The following PHRF1 variants were observed in gnomAD, a reference collection of about 807,000 sequenced individuals.
PHRF1 encodes PHD and ring finger domains 1, also known as PHD and RING finger domain-containing protein 1.
PHRF1 carries 53 observed loss-of-function variants against 128.9 expected under a neutral mutation model. That is an observed-to-expected ratio of 0.41 (90% confidence interval 0.33 to 0.52). The LOEUF (loss-of-function observed/expected upper bound fraction) is 0.52, where lower values mean the gene tolerates loss of function less well. PHRF1 is among the 20% of genes least tolerant of loss of function. PHRF1 has a pLI of 0.21. For synonymous variants in PHRF1, 1,178 were observed against 980.6 expected (o/e 1.20, Z -3.76); for missense variants, 2,503 against 2,284.5 (o/e 1.10, Z -1.95).
At position 609,035 on chromosome 11, in the gene PHRF1, G is replaced by A; in HGVS notation, c.3579G>A (p.Glu1193=). Residue 1193 remains glutamate, a synonymous_variant, in exon 14 of 18, where the codon GAG becomes GAA. Coordinates refer to ENST00000264555, the MANE Select transcript of PHRF1 (RefSeq NM_001286581.2). ...KWPQTRSHSP[E]RKGAVREASP... Reference sequence around the variant, plus strand: ...CGCAGACCCGGTCCCATTCCCCAGAGAGGAAGGGGGCTGTGAGGGAGGCTT... The same window carrying A: ...CGCAGACCCGGTCCCATTCCCCAGAAAGGAAGGGGGCTGTGAGGGAGGCTT... 6.3e-7 allele frequency: 1 copy of A among 1,595,238 alleles called. No homozygotes were observed. The highest frequency in any genetic ancestry group is 8.5e-7 in the Non-Finnish European group (1 of 1,171,678).
At chr11:596,659 C>T (rs772436526) in intron 6 of PHRF1, among the ~76,000 whole-genome samples, 14 of 152,350 alleles carry the variant, frequency 9.2e-5, no homozygotes, top group African/African-American at 2.2e-4. Flanking sequence ...GACTTACAGA[C>T]GGCCGCCTCC....
At chr11:605,009 C>A in intron 10 of PHRF1, 110 bp from the exon 11 acceptor site, 2 of 1,127,428 alleles carry the variant, frequency 1.8e-6, no homozygotes, top group East Asian at 2.6e-5. Flanking sequence ...TAGTATTTTC[C>A]GGCTCTAGTG....
intron 3 of PHRF1, among the ~76,000 whole-genome samples, chr11:583,136 C>T (rs866812923): frequency 6.6e-6 from 1 of 151,454 alleles, no homozygotes; most frequent in Non-Finnish European, 1.5e-5. Context: ...GTCAGGAGAT[C>T]GAGACCATTG....
rs1855345220 is a variant in PHRF1, at chr11:597,300, C to G, written c.719-95C>G. 9 of 1,465,930 alleles carry G rather than the reference C, an allele frequency of 6.1e-6. No homozygotes were observed. The highest frequency in any genetic ancestry group is 2.0e-5 in the Admixed American group (1 of 49,008). 90.8% of individuals were successfully genotyped at this position (1,465,930 alleles called of 1,614,324 possible). A position where few individuals can be genotyped will look rare whatever the true frequency, so the allele number is the denominator to read the frequency against. On this transcript the variant is annotated intron_variant, in intron 7 of 17. Coordinates refer to ENST00000264555, the MANE Select transcript of PHRF1 (RefSeq NM_001286581.2). This position sits in a 1 kb window ranked among gnomAD's most constrained non-coding sequence, Gnocchi z 6.5. ...GTCCTGTGCACAGGTCAGCCCGAGC[C>G]AGGGCTGCTACTTGGCCGGCAGCCA...
intron 10 of PHRF1, among the ~76,000 whole-genome samples, chr11:602,909 T>C (rs1855723876): frequency 6.6e-6 from 1 of 151,670 alleles, no homozygotes; most frequent in South Asian, 2.1e-4. Context: ...ATTATAGGCG[T>C]GTGCCACCAC....
chr11:602,808 G>T, intron 10 of PHRF1, among the ~76,000 whole-genome samples: 1 of 147,696 alleles, frequency 6.8e-6, no homozygotes. Context: ...CTGTCCCCAC[G>T]CTGGAGTGTA....
At chr11:587,837 G>C (rs1854670404) in intron 4 of PHRF1, among the ~76,000 whole-genome samples, 1 of 152,202 alleles carries the variant, frequency 6.6e-6, no homozygotes, top group Non-Finnish European at 1.5e-5. Context: ...AGTTGATACA[G>C]AAAACACCGG....
Position 587,161 on chromosome 11 carries a change from G to T in PHRF1, c.215-98G>T. 3 of 1,181,202 alleles carry T rather than the reference G, an allele frequency of 2.5e-6. No homozygotes were observed. The South Asian group carries it at 4.1e-5, about 16-fold the overall frequency. 73.2% of individuals were successfully genotyped at this position (1,181,202 alleles called of 1,614,324 possible). A position where few individuals can be genotyped will look rare whatever the true frequency, so the allele number is the denominator to read the frequency against. On this transcript the variant is annotated intron_variant, in intron 3 of 17. Transcript: ENST00000264555. ...GCGGGGAGGTGGGCTGTGCATTGCC[G>T]ACCTGGTGTCCTGAGCGCAGCCTGG...
In PHRF1 at chr11:582,128, T is replaced by G. The variant is rs1309865162; in HGVS notation, c.214+47T>G. 4 of 1,553,190 alleles carry G rather than the reference T, an allele frequency of 2.6e-6. No individual in the cohort carries two copies. The South Asian group carries it at 4.8e-5, about 18-fold the overall frequency. On this transcript the variant is annotated intron_variant, in intron 3 of 17. Coordinates refer to ENST00000264555, the MANE Select transcript of PHRF1 (RefSeq NM_001286581.2). ...CCGGCTCCTGTGTTTCCTCTTGTCG[T>G]GATGGGGACAGCCTTTTATAACACA...
intron 6 of PHRF1, among the ~76,000 whole-genome samples, chr11:596,317 C>T (rs566520392): frequency 2.6e-5 from 4 of 152,316 alleles, no homozygotes; most frequent in South Asian, 2.1e-4. Flanking sequence ...CCAGAAGGCT[C>T]GATAGAAACA....
intron 3 of PHRF1, among the ~76,000 whole-genome samples, chr11:585,845 T>C (rs1854520179): frequency 6.6e-6 from 1 of 151,606 alleles, no homozygotes; most frequent in Admixed American, 6.6e-5. Context: ...CGCGTCCAGC[T>C]AATTTTTTGT....
In PHRF1 at chr11:607,248, G is replaced by T. The variant is rs553505284; in HGVS notation, c.1792G>T (p.Ala598Ser). ...RSRTPARTAG[A>S]PVRLDLPAAP... The stretch of plus-strand genomic sequence containing the variant: ...CCGCACCCCCGCCCGCACCGCGGGG[G>T]CGCCTGTGAGGCTGGACTTGCCAGC... The change falls in exon 14 of 18, where the codon GCG becomes TCG. Residue 598 changes from alanine to serine, a missense_variant. Ala to Ser is a moderately conservative substitution (Grantham distance 99). Transcript: ENST00000264555. 1.7e-5 allele frequency: 28 copies of T among 1,612,510 alleles called. No homozygotes were observed. In the East Asian group the frequency reaches 5.3e-4, roughly 31 times the overall value.
Position 611,808 on chromosome 11 carries a change from G to T in PHRF1, c.*31G>T. 1 of 1,570,146 alleles carries T rather than the reference G, an allele frequency of 6.4e-7. No homozygotes were observed. Among genetic ancestry groups the T allele is most frequent in the Non-Finnish European group, 8.6e-7 (1 of 1,160,302 alleles). On this transcript the variant is annotated 3_prime_UTR_variant, in exon 18 of 18. Coordinates refer to ENST00000264555, the MANE Select transcript of PHRF1 (RefSeq NM_001286581.2). ...GGCAATCACGGGCTATGCCCGGGGAGCTGTCGGGAGTGGCGGGAATCGGGG... is the reference window on the plus strand; with the variant it reads ...GGCAATCACGGGCTATGCCCGGGGATCTGTCGGGAGTGGCGGGAATCGGGG...
Position 609,051 on chromosome 11 carries a change from A to G in PHRF1, c.3595A>G (p.Arg1199Gly). The change falls in exon 14 of 18, where the codon AGG becomes GGG. Residue 1199 changes from arginine to glycine, a missense_variant. Transcript: ENST00000264555. ...SHSPERKGAV[R>G]EASPAPLAQG... ...TTCCCCAGAGAGGAAGGGGGCTGTG[A>G]GGGAGGCTTCCCCAGCGCCCCTTGC... 6.3e-7 allele frequency: 1 copy of G among 1,595,784 alleles called. No homozygotes were observed. Among genetic ancestry groups the G allele is most frequent in the Non-Finnish European group, 8.5e-7 (1 of 1,171,748 alleles).
chr11:609,166 A>G lies in PHRF1; in HGVS notation c.3710A>G (p.Lys1237Arg), dbSNP rs987718027. Residue 1237 changes from lysine (K) to arginine (R), a missense_variant, in exon 14 of 18, where the codon AAG becomes AGG. Physicochemically the swap from Lys to Arg is conservative, Grantham distance 26 (BLOSUM62 2). Coordinates refer to ENST00000264555, the MANE Select transcript of PHRF1 (RefSeq NM_001286581.2). ...TCGCCGGAGGTGGCTACGGCCGACA[A>G]GGCCCCCCTGCAGGCTCCCCCTGTC... The part of the protein sequence containing the change: ...HVSPEVATAD[K>R]APLQAPPVLE... 4 of 1,606,326 alleles carry G rather than the reference A, an allele frequency of 2.5e-6. No individual in the cohort carries two copies. In the South Asian group the frequency reaches 3.3e-5, roughly 13 times the overall value.
At chr11:581,288 ATGTGACAC>A (rs1322328838) in intron 1 of PHRF1, among the ~76,000 whole-genome samples, 196 bp from the exon 2 acceptor site, 1 of 152,138 alleles carries the variant, frequency 6.6e-6, no homozygotes, top group Admixed American at 6.5e-5. Flanking sequence ...GTGGCGGTGG[ATGTGACAC>A]TGGGACACTG....
chr11:592,780 C>G (rs910019723), intron 6 of PHRF1, 106 bp downstream of exon 6: 2 of 1,268,352 alleles, frequency 1.6e-6, no homozygotes, highest in Non-Finnish European at 2.3e-6. Context: ...AGTCCCAGCA[C>G]CTGGAGCTGT....
Position 597,075 on chromosome 11 carries a change from T to C in PHRF1, c.718+55T>C, listed in dbSNP as rs186820466. On this transcript the variant is annotated intron_variant, in intron 7 of 17. Transcript: ENST00000264555. This position sits in a 1 kb window ranked among gnomAD's most constrained non-coding sequence, Gnocchi z 6.5. ...ACATGGGCCTTCTCACTGTCCACTC[T>C]GCGGTCCCCGGGGTTAGGTTTGGCT... is the stretch of plus-strand genomic sequence containing the variant. 27 of 1,555,452 alleles carry C rather than the reference T, an allele frequency of 1.7e-5. No individual in the cohort carries two copies. The highest frequency in any genetic ancestry group is 9.7e-6 in the Non-Finnish European group (11 of 1,137,458).
rs758926410 is a variant in PHRF1 at position 607,853 on chromosome 11, G to C, written c.2397G>C (p.Thr799=). The change falls in exon 14 of 18, where the codon ACG becomes ACC. Residue 799 remains threonine, a synonymous_variant. Coordinates refer to ENST00000264555, the MANE Select transcript of PHRF1 (RefSeq NM_001286581.2). ...TCTCCAGCCCTGGCTTCTGTAACAC[G>C]TTCCGGCCTGTGGACGATAAGGAGC... ...SQLSSPGFCN[T]FRPVDDKEQR... is the part of the protein sequence containing the mutation. 3 of 1,612,794 alleles carry C rather than the reference G, an allele frequency of 1.9e-6. No individual in the cohort carries two copies. In the East Asian group the frequency reaches 6.7e-5, roughly 36 times the overall value.
Sources: gnomAD v4.1 joint callset for allele counts (sites outside exome capture counted in the v4.1 genomes callset) on GRCh38, gnomAD v4.1.1 for gene constraint, Gnocchi (gnomAD v3.1) non-coding constraint, MANE v1.5 for transcripts, NCBI Gene and HGNC (gene_info 2026-07-23, HGNC 2026-07-21) for gene names.